Variants in COMMD7 observed in about 807,000 individuals in gnomAD.
The protein encoded by COMMD7 is COMM domain containing 7.
COMMD7 carries 28 observed loss-of-function variants against 34.8 expected under a neutral mutation model. The observed-to-expected ratio is 0.80, with a 90% CI of 0.60 to 1.10. The LOEUF (loss-of-function observed/expected upper bound fraction) is 1.10, where lower values mean the gene tolerates loss of function less well. COMMD7 is among the 50% of genes least tolerant of loss of function. COMMD7 has a pLI of 0.00. For synonymous variants in COMMD7, 80 were observed against 86.4 expected (o/e 0.93, Z 0.41); for missense variants, 211 against 241.6 (o/e 0.87, Z 0.84).
chr20:32,710,274 T>C (rs1421540291), intron 3 of COMMD7, among the ~76,000 whole-genome samples: 1 of 152,146 alleles, frequency 6.6e-6, no homozygotes, highest in Non-Finnish European at 1.5e-5. Flanking sequence ...GTTATATATT[T>C]ATTATCAATT....
intron 1 of COMMD7, among the ~76,000 whole-genome samples, chr20:32,734,235 G>A (rs1226272487): frequency 6.7e-6 from 1 of 150,130 alleles, no homozygotes; most frequent in African/African-American, 2.5e-5. Flanking sequence ...AGCACTTTGG[G>A]AGGCCAAGGC....
At chr20:32,707,875 A>G (rs1159781541) in intron 3 of COMMD7, among the ~76,000 whole-genome samples, 1 of 152,194 alleles carries the variant, frequency 6.6e-6, no homozygotes, top group African/African-American at 2.4e-5. Flanking sequence ...TTAATTAAAT[A>G]AAATTTAAAA....
chr20:32,734,254 C>G (rs1440446365), intron 1 of COMMD7, among the ~76,000 whole-genome samples: 1 of 150,166 alleles, frequency 6.7e-6, no homozygotes, highest in African/African-American at 2.5e-5. Context: ...GCGGGTGGAT[C>G]ACAAGGTCAG....
chr20:32,734,161 A>T (rs6087980), intron 1 of COMMD7, among the ~76,000 whole-genome samples: 95,165 of 140,948 alleles, frequency 0.68, 32,767 homozygotes, highest in Middle Eastern at 0.78. Flanking sequence ...AGCCTGGGCA[A>T]CAGAGCGAGA....
chr20:32,710,087 C>T (rs1984347443), intron 3 of COMMD7, among the ~76,000 whole-genome samples: 1 of 151,696 alleles, frequency 6.6e-6, no homozygotes, highest in African/African-American at 2.4e-5. Flanking sequence ...CACTATCTTG[C>T]CAGCTCAAAC....
intron 5 of COMMD7, among the ~76,000 whole-genome samples, chr20:32,705,256 A>G (rs1983994191): frequency 6.6e-6 from 1 of 150,680 alleles, no homozygotes; most frequent in Non-Finnish European, 1.5e-5. Context: ...ATTTTTCTCT[A>G]TTTTTGTCAC....
rs73613794 is a variant in COMMD7, at chr20:32,707,380, C to T, written c.242-620G>A. Among the ~76,000 whole-genome samples, 79 of 148,766 alleles carry T rather than the reference C, an allele frequency of 5.3e-4. 1 individual carries two copies. The East Asian group carries it at 0.014, about 26-fold the overall frequency. The stretch of plus-strand genomic sequence containing the variant: ...TGTTGCCCAGGCTGGAGTGCAGTGG[C>T]GTGATCTCGGCTCACTGCAACCTAC... On this transcript the variant is annotated intron_variant, in intron 3 of 8. Coordinates refer to ENST00000278980, the MANE Select transcript of COMMD7 (RefSeq NM_053041.3).
intron 3 of COMMD7, among the ~76,000 whole-genome samples, chr20:32,716,476 G>A (rs557082317): frequency 3.9e-5 from 6 of 152,192 alleles, no homozygotes; most frequent in Non-Finnish European, 7.4e-5. Context: ...TTAGCCAGGC[G>A]TGGTGGCAGG....
At chr20:32,732,156 C>T (rs114607571) in intron 1 of COMMD7, among the ~76,000 whole-genome samples, 3,010 of 152,260 alleles carry the variant, frequency 0.02, 86 homozygotes, top group African/African-American at 0.067. Flanking sequence ...AATCACGGCT[C>T]GCTGGAGCCT....
chr20:32,738,840 C>G (rs1173077463), intron 1 of COMMD7, among the ~76,000 whole-genome samples: 2 of 152,030 alleles, frequency 1.3e-5, no homozygotes. Flanking sequence ...AAGTGATCCT[C>G]CCACCTAAGC....
intron 1 of COMMD7, among the ~76,000 whole-genome samples, chr20:32,729,887 C>A (rs1985739015): frequency 6.6e-6 from 1 of 151,770 alleles, no homozygotes; most frequent in African/African-American, 2.4e-5. Flanking sequence ...GTGGCGTGTA[C>A]TTGTAATCCC....
At chr20:32,743,222 G>A (rs1253494747) in intron 1 of COMMD7, 86 bp downstream of exon 1, 3 of 1,006,092 alleles carry the variant, frequency 3.0e-6, no homozygotes, top group South Asian at 1.7e-5. Flanking sequence ...CCCAACTCCC[G>A]CGCACCCCCG....
chr20:32,731,965 CA>C, intron 1 of COMMD7, among the ~76,000 whole-genome samples: 1 of 152,262 alleles, frequency 6.6e-6, no homozygotes, highest in South Asian at 2.1e-4. Flanking sequence ...TCTGCAAACC[CA>C]AAAGTTTGAC....
At chr20:32,727,778 G>A in intron 3 of COMMD7, 115 bp downstream of exon 3, 1 of 815,500 alleles carries the variant, frequency 1.2e-6, no homozygotes, top group South Asian at 1.5e-5. Flanking sequence ...ACCCACGTCT[G>A]GCTCATTACC....
intron 1 of COMMD7, among the ~76,000 whole-genome samples, chr20:32,741,526 G>A (rs192308664): frequency 6.6e-6 from 1 of 152,088 alleles, no homozygotes; most frequent in Admixed American, 6.6e-5. Flanking sequence ...GAGTAGCCGG[G>A]ACTACAAGTG....
intron 3 of COMMD7, among the ~76,000 whole-genome samples, chr20:32,718,413 G>A (rs6058826): frequency 0.68 from 101,506 of 148,978 alleles, 35,137 homozygotes; most frequent in Middle Eastern, 0.81. Context: ...AAAAAAAAAA[G>A]GGGGGCCGGA....
At chr20:32,713,973 C>T (rs553157877) in intron 3 of COMMD7, among the ~76,000 whole-genome samples, 2 of 152,072 alleles carry the variant, frequency 1.3e-5, no homozygotes, top group South Asian at 2.1e-4. Context: ...ATTAGCTGAG[C>T]GTGGTGGTGA....
intron 1 of COMMD7, among the ~76,000 whole-genome samples, chr20:32,728,567 TTC>T (rs2145765785): frequency 6.6e-6 from 1 of 152,212 alleles, no homozygotes; most frequent in Admixed American, 6.6e-5. Flanking sequence ...TTTCTTTCTT[TTC>T]TTTTTTTTTC....
intron 1 of COMMD7, among the ~76,000 whole-genome samples, chr20:32,739,199 G>A (rs1986296844): frequency 6.6e-6 from 1 of 152,114 alleles, no homozygotes; most frequent in African/African-American, 2.4e-5. Flanking sequence ...GGGTGCAGTG[G>A]CTCATGCCTG....
Sources: allele counts gnomAD v4.1 joint callset (sites outside exome capture counted in the v4.1 genomes callset), GRCh38; gene constraint gnomAD v4.1.1; transcripts MANE v1.5; gene names NCBI Gene and HGNC (gene_info 2026-07-23, HGNC 2026-07-21).